Variants in SLC41A3 observed in about 807,000 individuals in gnomAD.
SLC41A3 encodes the protein solute carrier family 41 member 3.
Under a neutral mutation model 45.4 loss-of-function variants are expected in SLC41A3, and 44 were observed. The observed-to-expected ratio is 0.97, with a 90% CI of 0.76 to 1.25. The LOEUF (loss-of-function observed/expected upper bound fraction) is 1.25. Among genes scored for constraint, SLC41A3 ranks in the 50% most tolerant of loss-of-function variants. The pLI is 0.00. For missense variants in SLC41A3, 550 were observed against 600.6 expected, an observed-to-expected ratio of 0.92 and a Z score of 0.88; for synonymous variants, 256 against 252.4, an observed-to-expected ratio of 1.01 and a Z score of -0.13.
At chr3:126,082,947 C>T (rs986088055) in intron 1 of SLC41A3, among the ~76,000 whole-genome samples, 1 of 152,244 alleles carries the variant, frequency 6.6e-6, no homozygotes, top group Non-Finnish European at 1.5e-5. Context: ...GTTCTGGAGC[C>T]GGAACCCAAG....
chr3:126,082,126 C>G (rs980677242), intron 1 of SLC41A3, among the ~76,000 whole-genome samples: 1 of 152,258 alleles, frequency 6.6e-6, no homozygotes, highest in Non-Finnish European at 1.5e-5. Flanking sequence ...GGCCCCTCAG[C>G]TCCACCTGAA....
intron 4 of SLC41A3, among the ~76,000 whole-genome samples, chr3:126,028,738 C>T (rs1280088567): frequency 6.6e-6 from 1 of 152,260 alleles, no homozygotes; most frequent in Non-Finnish European, 1.5e-5. Context: ...AATACCAGCC[C>T]ATGAGAGCAG....
intron 3 of SLC41A3, among the ~76,000 whole-genome samples, chr3:126,035,979 T>C (rs1379275441): frequency 6.6e-6 from 1 of 152,080 alleles, no homozygotes; most frequent in African/African-American, 2.4e-5. Context: ...AGAAAACCAG[T>C]GGGAGGCAGG....
chr3:126,040,910 A>G (rs953948227), intron 3 of SLC41A3, among the ~76,000 whole-genome samples: 1 of 152,230 alleles, frequency 6.6e-6, no homozygotes, highest in African/African-American at 2.4e-5. Context: ...AAGTCAACCA[A>G]TGGAAGTACA....
intron 9 of SLC41A3, among the ~76,000 whole-genome samples, chr3:126,012,289 G>A (rs7619332): frequency 0.052 from 7,908 of 152,142 alleles, 643 homozygotes; most frequent in African/African-American, 0.17. Flanking sequence ...TTTGCTGCTC[G>A]GTACCCAACA....
chr3:126,029,023 T>C (rs1376191308), intron 4 of SLC41A3, among the ~76,000 whole-genome samples: 1 of 152,234 alleles, frequency 6.6e-6, no homozygotes, highest in Non-Finnish European at 1.5e-5. Flanking sequence ...TTTTTGATAT[T>C]ATAGGCTCAT....
chr3:126,062,031 C>T (rs1944098778), intron 2 of SLC41A3, among the ~76,000 whole-genome samples: 1 of 152,210 alleles, frequency 6.6e-6, no homozygotes, highest in Admixed American at 6.5e-5. Context: ...CCCCTGCTCA[C>T]CATTAAAACA....
At chr3:126,012,503 G>A in intron 9 of SLC41A3, 112 bp downstream of exon 9, 1 of 1,421,922 alleles carries the variant, frequency 7.0e-7, no homozygotes, top group South Asian at 1.3e-5. Context: ...TGTGTGCCGA[G>A]ATCAGCCCTG....
At chr3:126,041,635 A>C (rs1942600544) in intron 3 of SLC41A3, among the ~76,000 whole-genome samples, 1 of 152,230 alleles carries the variant, frequency 6.6e-6, no homozygotes, top group African/African-American at 2.4e-5. Context: ...GGAAAAAGTA[A>C]AGCATTTTCC....
Position 126,008,014 on chromosome 3 carries a change from G to A in SLC41A3, c.1254+718C>T, listed in dbSNP as rs544538934. On this transcript the variant is annotated intron_variant, in intron 10 of 10. Transcript: ENST00000360370. ...CCAGCCCTGATCAATGTCTACGCAT[G>A]CCTTGCAGCAGCAGACCCTGCAGGG... 2.0e-5 allele frequency among the ~76,000 whole-genome samples: 3 copies of A among 152,350 alleles called. No individual in the cohort carries two copies. In the South Asian group the frequency reaches 6.2e-4, roughly 32 times the overall value.
intron 2 of SLC41A3, 81 bp from the exon 3 acceptor site, chr3:126,051,131 A>G: frequency 7.0e-7 from 1 of 1,428,930 alleles, no homozygotes. Flanking sequence ...ACCTTCAGCA[A>G]GTCACTTTTC....
Position 126,046,148 on chromosome 3 carries a change from T to G in SLC41A3, c.381+4795A>C, listed in dbSNP as rs146669068. On this transcript the variant is annotated intron_variant, in intron 3 of 10. Coordinates refer to ENST00000360370, the MANE Select transcript of SLC41A3 (RefSeq NM_017836.4). ...ATCCCACAGTAAACATCACTGTTAA[T>G]GGTGGCAGACAAACTTTTGCTCTAA... is the stretch of plus-strand genomic sequence containing the variant. Among the ~76,000 whole-genome samples the G allele has an allele frequency of 1.4e-3, 219 of 152,260 alleles. 1 individual carries two copies. Among genetic ancestry groups the G allele is most frequent in the Non-Finnish European group, 2.5e-3 (173 of 68,020 alleles).
intron 5 of SLC41A3, chr3:126,023,262 T>C (rs1368255836): frequency 2.6e-5 from 7 of 268,286 alleles, no homozygotes; most frequent in Non-Finnish European, 5.0e-5. Context: ...CACAGCCCCA[T>C]GCTGCATGAG....
At chr3:126,033,792 C>T (rs1407148592) in intron 3 of SLC41A3, 114 bp from the exon 4 acceptor site, 8 of 1,145,182 alleles carry the variant, frequency 7.0e-6, no homozygotes, top group South Asian at 2.9e-5. Context: ...ATTTCATCAG[C>T]GTCAGAAAAA....
chr3:126,015,723 C>G, intron 7 of SLC41A3, 150 bp from the exon 8 acceptor site: 1 of 727,680 alleles, frequency 1.4e-6, no homozygotes, highest in East Asian at 2.7e-5. Flanking sequence ...TGCGGCCAAA[C>G]TGGTCTCCCC....
intron 1 of SLC41A3, among the ~76,000 whole-genome samples, chr3:126,069,224 C>T (rs960896009): frequency 2.6e-5 from 4 of 152,072 alleles, no homozygotes; most frequent in Admixed American, 2.6e-4. Context: ...AAGTTTGTAC[C>T]TCCTGGACAC....
intron 2 of SLC41A3, among the ~76,000 whole-genome samples, chr3:126,059,447 A>G (rs1943939736): frequency 1.3e-5 from 2 of 152,054 alleles, no homozygotes; most frequent in Admixed American, 1.3e-4. Context: ...CAATTGGATG[A>G]AGGAGTGCCC....
chr3:126,066,727 T>C (rs182683497), intron 2 of SLC41A3, among the ~76,000 whole-genome samples: 2 of 152,286 alleles, frequency 1.3e-5, no homozygotes, highest in African/African-American at 4.8e-5. Context: ...CAGTAAAAGA[T>C]TTAGCTGAAG....
intron 1 of SLC41A3, chr3:126,095,439 G>A (rs1945579952): frequency 4.1e-6 from 2 of 491,586 alleles, no homozygotes; most frequent in African/African-American, 2.0e-5. Flanking sequence ...CAGTCACAAT[G>A]AGTAATTTAA....
Sources: allele counts gnomAD v4.1 joint callset (sites outside exome capture counted in the v4.1 genomes callset), GRCh38; gene constraint gnomAD v4.1.1; transcripts MANE v1.5; gene names NCBI Gene and HGNC (gene_info 2026-07-23, HGNC 2026-07-21).